Variants in NECAB1 observed in about 807,000 individuals in gnomAD.
NECAB1 encodes N-terminal EF-hand calcium-binding protein 1.
Under a neutral mutation model 57.5 loss-of-function variants are expected in NECAB1, and 29 were observed. The ratio of observed to expected loss-of-function variants is 0.50; its 90% CI spans 0.38 to 0.69. The LOEUF is 0.69. Among genes scored for constraint, NECAB1 ranks in the 30% least tolerant of loss-of-function variants. The pLI, the probability that NECAB1 is intolerant of heterozygous loss-of-function variation, is 0.00. For synonymous variants in NECAB1, 142 were observed against 147.7 expected, an observed-to-expected ratio of 0.96 and a Z score of 0.28; for missense variants, 372 against 413.8, an observed-to-expected ratio of 0.90 and a Z score of 0.88.
rs899810741 is a variant in NECAB1 at position 90,956,313 on chromosome 8, T to A, written c.*801T>A. 1 of 151,990 alleles carries A rather than the reference T, an allele frequency of 6.6e-6. No homozygotes were observed. The highest frequency in any genetic ancestry group is 2.1e-4 in the South Asian group (1 of 4,828). 9.4% of individuals were successfully genotyped at this position (151,990 alleles called of 1,614,324 possible). ...CGATACAGACAGCTAACTTTTCTTA[T>A]GAAAAATACATATTTGCATGTAAAC... On this transcript the variant is annotated 3_prime_UTR_variant, in exon 13 of 13. Coordinates refer to ENST00000417640, the MANE Select transcript of NECAB1 (RefSeq NM_022351.5).
chr8:90,814,237 C>T (rs1007823203), intron 2 of NECAB1, among the ~76,000 whole-genome samples: 5 of 152,128 alleles, frequency 3.3e-5, no homozygotes, highest in East Asian at 1.9e-4. Context: ...TTATGTGTTT[C>T]GGAGAGAAAG....
intron 1 of NECAB1, among the ~76,000 whole-genome samples, chr8:90,796,869 G>A (rs766839746): frequency 3.3e-5 from 5 of 152,172 alleles, no homozygotes; most frequent in African/African-American, 1.2e-4. Context: ...AAAAGCTGCT[G>A]TTTTTATTTC....
intron 6 of NECAB1, among the ~76,000 whole-genome samples, chr8:90,917,904 GTA>G (rs1211409597): frequency 1.3e-4 from 15 of 118,426 alleles, no homozygotes; most frequent in African/African-American, 4.2e-4. Flanking sequence ...ATGTCTGTGT[GTA>G]TATATATACA....
chr8:90,860,036 T>C (rs974794720), intron 3 of NECAB1, among the ~76,000 whole-genome samples: 5 of 151,576 alleles, frequency 3.3e-5, no homozygotes, highest in Non-Finnish European at 4.4e-5. Flanking sequence ...AGGACAAGAG[T>C]TGGGATTCAA....
chr8:90,901,888 A>G (rs1395933485), intron 5 of NECAB1, among the ~76,000 whole-genome samples: 1 of 151,264 alleles, frequency 6.6e-6, no homozygotes, highest in Non-Finnish European at 1.5e-5. Context: ...CCTCGTTTGC[A>G]CTCTCTGTAT....
intron 5 of NECAB1, among the ~76,000 whole-genome samples, chr8:90,899,124 G>A (rs528770641): frequency 3.3e-5 from 5 of 152,326 alleles, no homozygotes; most frequent in South Asian, 2.1e-4. Context: ...ACGCCCGAGG[G>A]CAAAGACTGC....
chr8:90,906,881 A>ATATATATATGTGTG (rs1563528196), intron 5 of NECAB1, among the ~76,000 whole-genome samples: 3 of 112,608 alleles, frequency 2.7e-5, no homozygotes, highest in African/African-American at 8.1e-5. Context: ...ATACACATAT[A>ATATATATATGTGTG]TATATATATA....
chr8:90,830,592 A>G (rs1812286102), intron 3 of NECAB1, among the ~76,000 whole-genome samples: 1 of 152,154 alleles, frequency 6.6e-6, no homozygotes, highest in Admixed American at 6.6e-5. Context: ...ACTGGCCATC[A>G]GTAAACTAGC....
chr8:90,858,791 C>G (rs1165439667), intron 3 of NECAB1, among the ~76,000 whole-genome samples: 1 of 152,120 alleles, frequency 6.6e-6, no homozygotes, highest in Non-Finnish European at 1.5e-5. Flanking sequence ...AGAATGCACC[C>G]AAGTGGAGGC....
chr8:90,927,175 T>C (rs898768243), intron 7 of NECAB1, among the ~76,000 whole-genome samples: 18 of 151,158 alleles, frequency 1.2e-4, no homozygotes, highest in Admixed American at 6.0e-4. Context: ...TGTAATATTT[T>C]CTCCAATCAG....
chr8:90,836,204 A>C (rs1812368662), intron 3 of NECAB1, among the ~76,000 whole-genome samples: 1 of 152,140 alleles, frequency 6.6e-6, no homozygotes, highest in Non-Finnish European at 1.5e-5. Context: ...CTTCGTTTAT[A>C]TGTTAAAAAA....
chr8:90,865,218 TAAG>T (rs1450178520), intron 3 of NECAB1, among the ~76,000 whole-genome samples: 2 of 151,876 alleles, frequency 1.3e-5, no homozygotes, highest in Non-Finnish European at 2.9e-5. Flanking sequence ...TTGAGAAAAA[TAAG>T]ATGATATGTT....
rs947798923 is a variant in NECAB1 at position 90,791,816 on chromosome 8, G to A, written c.-71G>A. 1.6e-5 allele frequency: 20 copies of A among 1,289,158 alleles called. No homozygotes were observed. The highest frequency in any genetic ancestry group is 1.8e-5 in the Non-Finnish European group (17 of 924,476). 79.9% of individuals were successfully genotyped at this position (1,289,158 alleles called of 1,614,324 possible). A position where few individuals can be genotyped will look rare whatever the true frequency, so the allele number is the denominator to read the frequency against. On this transcript the variant is annotated 5_prime_UTR_variant, in exon 1 of 13. Transcript: ENST00000417640. The stretch of plus-strand genomic sequence containing the variant: ...CCGGCGGCGGCGAAGCAGCAGCTGC[G>A]GCCGCGCCCTTGCCAGAGCCGGTGC...
Position 90,957,926 on chromosome 8 carries a change from A to G in NECAB1, c.*2414A>G, listed in dbSNP as rs1811061742. The G allele has an allele frequency of 6.6e-6, 1 of 151,316 alleles. No individual in the cohort carries two copies. Among genetic ancestry groups the G allele is most frequent in the Admixed American group, 6.6e-5 (1 of 15,148 alleles). The allele number at this position is 151,316 out of a possible 1,614,324, so 9.4% of individuals were successfully genotyped here. On this transcript the variant is annotated 3_prime_UTR_variant, in exon 13 of 13. Transcript: ENST00000417640. ...TGGAATACAAGCTTGAATCTGGGAA[A>G]CAAGCTCAAAAAACAGTGAAAAAAA...
chr8:90,902,253 C>G (rs2130028647), intron 5 of NECAB1, among the ~76,000 whole-genome samples: 1 of 152,196 alleles, frequency 6.6e-6, no homozygotes, highest in African/African-American at 2.4e-5. Flanking sequence ...AACCCTGCCT[C>G]TAGTAAAAAT....
rs150022805 is a variant in NECAB1, at chr8:90,802,864, T to C, written c.124+1149T>C. Among the ~76,000 whole-genome samples, 842 of 152,242 alleles carry C rather than the reference T, an allele frequency of 5.5e-3. 13 individuals carry two copies. Among genetic ancestry groups the C allele is most frequent in the African/African-American group, 0.019 (803 of 41,546 alleles). ...TTCCCATTTGAAGCATTTCACTATT[T>C]TGTTTTTAGTTTTAGTTTTTGGGTT... On this transcript the variant is annotated intron_variant, in intron 2 of 12. Coordinates refer to ENST00000417640, the MANE Select transcript of NECAB1 (RefSeq NM_022351.5).
chr8:90,954,380 A>G (rs1398809449), intron 12 of NECAB1, among the ~76,000 whole-genome samples: 1 of 152,112 alleles, frequency 6.6e-6, no homozygotes, highest in Non-Finnish European at 1.5e-5. Flanking sequence ...AAATCATTCA[A>G]ATGAAGCATA....
chr8:90,810,040 C>T (rs575648110), intron 2 of NECAB1, among the ~76,000 whole-genome samples: 1 of 152,244 alleles, frequency 6.6e-6, no homozygotes, highest in Admixed American at 6.5e-5. Flanking sequence ...TAATCTGAGA[C>T]ATAGGGAACT....
intron 5 of NECAB1, among the ~76,000 whole-genome samples, chr8:90,906,887 A>ATGTATATATATATATATATATATATATG (rs199604237): frequency 8.2e-6 from 1 of 121,670 alleles, no homozygotes; most frequent in African/African-American, 3.7e-5. Context: ...ATATATATAT[A>ATGTATATATATATATATATATATATATG]TATATATATA....
Sources: allele counts gnomAD v4.1 joint callset (sites outside exome capture counted in the v4.1 genomes callset), GRCh38; gene constraint gnomAD v4.1.1; transcripts MANE v1.5; gene names NCBI Gene and HGNC (gene_info 2026-07-23, HGNC 2026-07-21).